The following UBE2E2 variants were observed in gnomAD, a reference collection of about 807,000 sequenced individuals.
UBE2E2 encodes the protein ubiquitin-conjugating enzyme E2 E2.
In UBE2E2, 6 loss-of-function variants were observed where a neutral mutation model predicts 24.7. The ratio of observed to expected loss-of-function variants is 0.24; its 90% CI spans 0.13 to 0.48. The LOEUF (loss-of-function observed/expected upper bound fraction) is 0.48, where lower values mean the gene tolerates loss of function less well. Ranked by LOEUF, UBE2E2 falls within the 20% of genes least tolerant of loss-of-function variation. The pLI is 0.99. For synonymous variants in UBE2E2, 104 were observed against 83.6 expected, an observed-to-expected ratio of 1.24 and a Z score of -1.33; for missense variants, 169 against 245.0, an observed-to-expected ratio of 0.69 and a Z score of 2.07.
At position 23,273,941 on chromosome 3, in the gene UBE2E2, G is replaced by A. The variant is rs1043461384; in HGVS notation, c.227+56629G>A. ...TGCGTGTATGTATATATGTAATAAA[G>A]TGTGATCCAGATGTTAACAAACTTG... is the stretch of plus-strand genomic sequence containing the variant. On this transcript the variant is annotated intron_variant, in intron 3 of 5. Coordinates refer to ENST00000396703, the MANE Select transcript of UBE2E2 (RefSeq NM_152653.4). 1.4e-4 allele frequency: 22 copies of A among 152,228 alleles called. 2 individuals carry two copies. The highest frequency in any genetic ancestry group is 5.9e-5 in the Non-Finnish European group (4 of 68,030). The allele number at this position is 152,228 out of a possible 1,614,324, so 9.4% of individuals were successfully genotyped here. A position where few individuals can be genotyped will look rare whatever the true frequency, so the allele number is the denominator to read the frequency against.
At chr3:23,274,964 C>G in intron 3 of UBE2E2, among the ~76,000 whole-genome samples, 1 of 152,218 alleles carries the variant, frequency 6.6e-6, no homozygotes, top group Middle Eastern at 3.4e-3. Flanking sequence ...AGGACCTGAG[C>G]TGTATGTGGA....
At chr3:23,536,866 A>G (rs1327197579) in intron 5 of UBE2E2, among the ~76,000 whole-genome samples, 1 of 152,200 alleles carries the variant, frequency 6.6e-6, no homozygotes, top group African/African-American at 2.4e-5. Context: ...TTTAGTTGCT[A>G]AAAATCAGAC....
chr3:23,518,606 A>C (rs1385059780), intron 4 of UBE2E2, among the ~76,000 whole-genome samples: 1 of 152,122 alleles, frequency 6.6e-6, no homozygotes, highest in South Asian at 2.1e-4. Flanking sequence ...GGCTCTTCTC[A>C]TATATTTGCT....
At chr3:23,519,300 AT>A (rs1351954611) in intron 4 of UBE2E2, among the ~76,000 whole-genome samples, 2 of 151,224 alleles carry the variant, frequency 1.3e-5, no homozygotes, top group African/African-American at 2.4e-5. Context: ...ATACATTATC[AT>A]TTTTCTATTT....
At chr3:23,285,411 A>T (rs576099933) in intron 3 of UBE2E2, among the ~76,000 whole-genome samples, 1 of 152,302 alleles carries the variant, frequency 6.6e-6, no homozygotes, top group East Asian at 1.9e-4. Flanking sequence ...TTGCTGGATC[A>T]TATGGTAGCC....
intron 3 of UBE2E2, among the ~76,000 whole-genome samples, chr3:23,485,865 T>G (rs1241903908): frequency 6.6e-6 from 1 of 152,200 alleles, no homozygotes; most frequent in African/African-American, 2.4e-5. Context: ...ATTAGAGCCT[T>G]TAAAGAGAAA....
At chr3:23,205,164 C>A (rs1240495083) in intron 1 of UBE2E2, among the ~76,000 whole-genome samples, 1 of 152,090 alleles carries the variant, frequency 6.6e-6, no homozygotes, top group Non-Finnish European at 1.5e-5. Context: ...TTAGGAAGGA[C>A]TACTTATTTT....
intron 3 of UBE2E2, among the ~76,000 whole-genome samples, chr3:23,300,580 A>G (rs538076291): frequency 6.6e-6 from 1 of 152,308 alleles, no homozygotes; most frequent in South Asian, 2.1e-4. Context: ...TGGGTTGAAA[A>G]TTCATTTCTT....
rs987517975 is a variant in UBE2E2 at position 23,269,043 on chromosome 3, A to C, written c.227+51731A>C. ...GGATCCCTTCCTTACACCTTATACA[A>C]AAATTAATTCAAGATGGATTAGAGA... On this transcript the variant is annotated intron_variant, in intron 3 of 5. Transcript: ENST00000396703. Among the ~76,000 whole-genome samples the C allele has an allele frequency of 3.8e-4, 57 of 151,978 alleles. 1 individual carries two copies. Among genetic ancestry groups the C allele is most frequent in the Non-Finnish European group, 3.2e-4 (22 of 67,966 alleles).
At chr3:23,286,188 A>AT (rs1308274475) in intron 3 of UBE2E2, among the ~76,000 whole-genome samples, 1 of 151,962 alleles carries the variant, frequency 6.6e-6, no homozygotes, top group African/African-American at 2.4e-5. Context: ...ATGTGATTCC[A>AT]TTTGCCCATT....
chr3:23,303,494 A>G (rs1351655587), intron 3 of UBE2E2, among the ~76,000 whole-genome samples: 1 of 152,198 alleles, frequency 6.6e-6, no homozygotes, highest in African/African-American at 2.4e-5. Context: ...CAGACAAGGA[A>G]GGATGTACAA....
chr3:23,485,316 G>A (rs1032018630), intron 3 of UBE2E2, among the ~76,000 whole-genome samples: 60 of 151,838 alleles, frequency 4.0e-4, no homozygotes, highest in African/African-American at 1.4e-3. Flanking sequence ...GGCTGGTCTC[G>A]AACTCCTAAC....
At chr3:23,290,387 A>T (rs1369144031) in intron 3 of UBE2E2, among the ~76,000 whole-genome samples, 1 of 152,200 alleles carries the variant, frequency 6.6e-6, no homozygotes, top group African/African-American at 2.4e-5. Flanking sequence ...AGGTCTTGTT[A>T]AAAGTGTAGA....
At chr3:23,444,453 C>T (rs1029467075) in intron 3 of UBE2E2, among the ~76,000 whole-genome samples, 7 of 152,166 alleles carry the variant, frequency 4.6e-5, no homozygotes, top group African/African-American at 1.4e-4. Flanking sequence ...ACAATCACCC[C>T]TTAACCCCAT....
intron 4 of UBE2E2, among the ~76,000 whole-genome samples, chr3:23,526,489 A>T (rs11916411): frequency 6.6e-6 from 1 of 151,994 alleles, no homozygotes; most frequent in East Asian, 1.9e-4. Flanking sequence ...TGGGCTCTTT[A>T]TGTATGCCAG....
intron 3 of UBE2E2, among the ~76,000 whole-genome samples, chr3:23,272,343 C>G (rs1023576269): frequency 1.6e-4 from 25 of 152,104 alleles, no homozygotes; most frequent in African/African-American, 6.0e-4. Context: ...TTTCACTGGC[C>G]CAAGAGCAAC....
chr3:23,287,652 G>T (rs1299456929), intron 3 of UBE2E2, among the ~76,000 whole-genome samples: 2 of 152,016 alleles, frequency 1.3e-5, no homozygotes, highest in Non-Finnish European at 2.9e-5. Flanking sequence ...ATTTTGGTAG[G>T]TTGTATGTGT....
At chr3:23,300,797 G>A (rs543690552) in intron 3 of UBE2E2, among the ~76,000 whole-genome samples, 141 of 152,102 alleles carry the variant, frequency 9.3e-4, no homozygotes, top group African/African-American at 3.2e-3. Flanking sequence ...TCTTTGTGGT[G>A]TTCTCTATAT....
chr3:23,392,752 A>G (rs1177929859), intron 3 of UBE2E2, among the ~76,000 whole-genome samples: 1 of 152,156 alleles, frequency 6.6e-6, no homozygotes, highest in African/African-American at 2.4e-5. Context: ...GCTTAGAAAA[A>G]CTGCACGTTA....
Sources: allele counts gnomAD v4.1 joint callset (sites outside exome capture counted in the v4.1 genomes callset), GRCh38; gene constraint gnomAD v4.1.1; transcripts MANE v1.5; gene names NCBI Gene and HGNC (gene_info 2026-07-23, HGNC 2026-07-21).